TIAM2: variants seen among roughly 807,000 people sequenced by gnomAD.
TIAM2 encodes TIAM Rac1 associated GEF 2.
A neutral mutation model predicts 152.9 loss-of-function variants in TIAM2; 80 were observed. The observed-to-expected ratio is 0.52, with a 90% confidence interval of 0.44 to 0.63. The LOEUF is 0.63. Among genes scored for constraint, TIAM2 ranks in the 30% least tolerant of loss-of-function variants. The pLI is 0.00. For synonymous variants in TIAM2, 804 were observed against 838.0 expected (o/e 0.96, Z 0.70); for missense variants, 1,965 against 2,120.1 (o/e 0.93, Z 1.44).
At chr6:155,233,467 C>T (rs1030070347) in intron 15 of TIAM2, among the ~76,000 whole-genome samples, 26 of 152,232 alleles carry the variant, frequency 1.7e-4, no homozygotes, top group African/African-American at 6.0e-4. Flanking sequence ...GCTGCTTGAT[C>T]GTCCTAAGCA....
At chr6:155,128,430 G>A (rs9397227) in intron 3 of TIAM2, among the ~76,000 whole-genome samples, 26,772 of 152,064 alleles carry the variant, frequency 0.18, 2,781 homozygotes, top group South Asian at 0.42. Flanking sequence ...TTGAGCAAAA[G>A]TCTCTCAAAA....
chr6:155,026,913 C>G (rs1188431781), intron 1 of TIAM2, among the ~76,000 whole-genome samples: 1 of 152,144 alleles, frequency 6.6e-6, no homozygotes, highest in Non-Finnish European at 1.5e-5. Context: ...AAAAACTGTT[C>G]ATTTGTTATA....
chr6:155,036,763 A>G (rs1469766601), intron 1 of TIAM2, among the ~76,000 whole-genome samples: 1 of 151,670 alleles, frequency 6.6e-6, no homozygotes, highest in African/African-American at 2.4e-5. Context: ...GATTACAGGC[A>G]TACACCACCA....
chr6:155,218,286 T>G lies in TIAM2; in HGVS notation c.3168+6979T>G, dbSNP rs1209460561. Among the ~76,000 whole-genome samples the G allele has an allele frequency of 6.6e-6, 1 of 152,214 alleles. No homozygotes were observed. The highest frequency in any genetic ancestry group is 2.4e-5 in the African/African-American group (1 of 41,456). On this transcript the variant is annotated intron_variant, in intron 15 of 26. Coordinates refer to ENST00000682666, the MANE Select transcript of TIAM2 (RefSeq NM_012454.4). This position sits in a 1 kb window ranked among gnomAD's most constrained non-coding sequence, Gnocchi z 4.5. ...TTTAATGCACGGAGAGATGGCCTCC[T>G]CAAGGCAAACGCTTTGTCCCTGAAA... is the stretch of plus-strand genomic sequence containing the variant.
chr6:155,256,901 G>C lies in TIAM2; in HGVS notation c.4886G>C (p.Arg1629Pro). The change falls in exon 27 of 27, where the codon CGG becomes CCG. Residue 1629 changes from arginine to proline, a missense_variant. This residue lies in a region of TIAM2 where 935 missense variants were observed against 980.0 expected (regional missense o/e 0.95). Transcript: ENST00000682666. ...QKGGEQPKLV[R>P]GHFCPIKRKA... ...GGAGGAGAGCAGCCCAAACTGGTCC[G>C]GGGGCACTTCTGCCCCATTAAACGA... 2.5e-6 allele frequency: 4 copies of C among 1,614,152 alleles called. No homozygotes were observed. The highest frequency in any genetic ancestry group is 1.1e-5 in the South Asian group (1 of 91,076).
At chr6:155,234,998 G>T (rs1236019737) in intron 15 of TIAM2, among the ~76,000 whole-genome samples, 1 of 118,356 alleles carries the variant, frequency 8.4e-6, no homozygotes. Flanking sequence ...ACGGAGCACA[G>T]CTAGAGATGG....
intron 2 of TIAM2, among the ~76,000 whole-genome samples, chr6:155,099,244 G>A (rs1162986495): frequency 4.0e-5 from 6 of 151,696 alleles, no homozygotes; most frequent in Non-Finnish European, 7.4e-5. Context: ...GTGTGTGTGT[G>A]TGTGTGTGTG....
At chr6:155,140,934 G>C (rs1779687986) in intron 5 of TIAM2, among the ~76,000 whole-genome samples, 1 of 152,160 alleles carries the variant, frequency 6.6e-6, no homozygotes, top group Admixed American at 6.5e-5. Context: ...AATTGTCGCA[G>C]GCTTCTTGAG....
At chr6:155,028,840 CTA>C (rs1268656010) in intron 1 of TIAM2, among the ~76,000 whole-genome samples, 1 of 128,780 alleles carries the variant, frequency 7.8e-6, no homozygotes, top group African/African-American at 3.0e-5. Flanking sequence ...TATATATATA[CTA>C]TGTTATATAT....
At chr6:155,132,844 C>T (rs1031766924) in intron 4 of TIAM2, among the ~76,000 whole-genome samples, 3 of 152,204 alleles carry the variant, frequency 2.0e-5, no homozygotes, top group East Asian at 1.9e-4. Context: ...GGCTTACACG[C>T]GGCTCTAGTG....
chr6:155,133,210 G>T (rs1779485894), intron 4 of TIAM2, among the ~76,000 whole-genome samples: 2 of 152,150 alleles, frequency 1.3e-5, no homozygotes. Context: ...AGCTGGGCAT[G>T]CTGGCATGTG....
intron 7 of TIAM2, among the ~76,000 whole-genome samples, chr6:155,154,063 C>T (rs1481549221): frequency 1.3e-5 from 2 of 152,218 alleles, no homozygotes; most frequent in Non-Finnish European, 2.9e-5. Context: ...ATTTACAGAT[C>T]AAGACCAATC....
chr6:155,084,744 C>T (rs902613463), intron 1 of TIAM2, among the ~76,000 whole-genome samples: 2 of 152,146 alleles, frequency 1.3e-5, no homozygotes, highest in Non-Finnish European at 2.9e-5. Flanking sequence ...AATTAGTCAT[C>T]CCTTTGTCAT....
Position 155,183,373 on chromosome 6 carries a change from A to C in TIAM2, c.2937A>C (p.Ala979=). 2.5e-6 allele frequency: 4 copies of C among 1,613,420 alleles called. No homozygotes were observed. Among genetic ancestry groups the C allele is most frequent in the Non-Finnish European group, 3.4e-6 (4 of 1,179,776 alleles). Reference sequence around the variant, plus strand: ...TTGCCCGGCCTCCGGACACAAAAGCAACCCTGTGTACATCCTGGTCAGACA... The same window carrying C: ...TTGCCCGGCCTCCGGACACAAAAGCCACCCTGTGTACATCCTGGTCAGACA... ...TLIARPPDTK[A]TLCTSWSDSD... Residue 979 remains alanine, a synonymous_variant, in exon 14 of 27, where the codon GCA becomes GCC. Transcript: ENST00000682666.
At chr6:155,222,564 G>A (rs1480465067) in intron 15 of TIAM2, among the ~76,000 whole-genome samples, 1 of 150,248 alleles carries the variant, frequency 6.7e-6, no homozygotes, top group Non-Finnish European at 1.5e-5. Context: ...CTGCACCACT[G>A]TACTCCAACC....
At chr6:155,011,932 G>T (rs897271788) in intron 1 of TIAM2, among the ~76,000 whole-genome samples, 1 of 152,140 alleles carries the variant, frequency 6.6e-6, no homozygotes, top group Admixed American at 6.5e-5. Flanking sequence ...GTTAACGAGA[G>T]GCTCAGCTTT....
At chr6:155,209,696 C>A (rs1370503284) in intron 14 of TIAM2, among the ~76,000 whole-genome samples, 3 of 152,144 alleles carry the variant, frequency 2.0e-5, no homozygotes, top group African/African-American at 7.2e-5. Context: ...CTGGTCCTTA[C>A]CTGGATGAGA....
In TIAM2 at chr6:155,129,063, C is replaced by A; in HGVS notation, c.-6-155C>A. 1.5e-6 allele frequency: 1 copy of A among 647,958 alleles called. No homozygotes were observed. The highest frequency in any genetic ancestry group is 2.6e-6 in the Non-Finnish European group (1 of 381,776). The allele number at this position is 647,958 out of a possible 1,614,324, so 40.1% of individuals were successfully genotyped here. A position where few individuals can be genotyped will look rare whatever the true frequency, so the allele number is the denominator to read the frequency against. Reference sequence around the variant, plus strand: ...GAGCAGCCTTGCAAAATAAGGAGAGCCTGTTCTACTGACTGACTCTTGTCC... The same window carrying A: ...GAGCAGCCTTGCAAAATAAGGAGAGACTGTTCTACTGACTGACTCTTGTCC... On this transcript the variant is annotated intron_variant, in intron 3 of 26. Coordinates refer to ENST00000682666, the MANE Select transcript of TIAM2 (RefSeq NM_012454.4). This position sits in a 1 kb window ranked among gnomAD's most constrained non-coding sequence, Gnocchi z 4.8.
intron 15 of TIAM2, among the ~76,000 whole-genome samples, chr6:155,222,930 C>T (rs1362174371): frequency 6.6e-6 from 1 of 152,212 alleles, no homozygotes; most frequent in Non-Finnish European, 1.5e-5. Context: ...TTCATTGAAG[C>T]TAAAACCTGT....
Sources: allele counts gnomAD v4.1 joint callset (sites outside exome capture counted in the v4.1 genomes callset), GRCh38; gene constraint gnomAD v4.1.1; regional missense constraint gnomAD v4.1.1; non-coding constraint Gnocchi (gnomAD v3.1); transcripts MANE v1.5; gene names NCBI Gene and HGNC (gene_info 2026-07-23, HGNC 2026-07-21).